The following SH3GL3 variants were observed in gnomAD, a reference collection of about 807,000 sequenced individuals.
The protein encoded by SH3GL3 is endophilin-A3.
Under a neutral mutation model 47.7 loss-of-function variants are expected in SH3GL3, and 33 were observed. The observed-to-expected ratio is 0.69, with a 90% confidence interval of 0.52 to 0.92. The LOEUF (loss-of-function observed/expected upper bound fraction) is 0.92, where lower values mean the gene tolerates loss of function less well. SH3GL3 is among the 40% of genes least tolerant of loss of function. The pLI is 0.00. For synonymous variants in SH3GL3, 155 were observed against 148.8 expected (o/e 1.04, Z -0.30); for missense variants, 363 against 417.8 (o/e 0.87, Z 1.14).
chr15:83,492,453 G>C (rs927609680), intron 1 of SH3GL3, among the ~76,000 whole-genome samples: 1 of 151,878 alleles, frequency 6.6e-6, no homozygotes, highest in African/African-American at 2.4e-5. Flanking sequence ...TGGTGTTAAT[G>C]AAAGAAACTT....
chr15:83,472,467 A>T (rs1292244625), intron 1 of SH3GL3, among the ~76,000 whole-genome samples: 1 of 151,690 alleles, frequency 6.6e-6, no homozygotes, highest in Non-Finnish European at 1.5e-5. Context: ...CTTCCAGTTC[A>T]CATTTTTTTT....
chr15:83,533,462 G>A (rs948215161), intron 1 of SH3GL3, among the ~76,000 whole-genome samples: 6 of 152,110 alleles, frequency 3.9e-5, no homozygotes, highest in African/African-American at 1.2e-4. Flanking sequence ...CTTAGGATCT[G>A]GAAATACAGT....
intron 1 of SH3GL3, among the ~76,000 whole-genome samples, chr15:83,456,919 A>G (rs1315979203): frequency 5.9e-5 from 9 of 152,328 alleles, no homozygotes; most frequent in Middle Eastern, 3.4e-3. Flanking sequence ...CTCTTCTGGT[A>G]GAGATGTAGC....
At chr15:83,539,272 G>C (rs1407631031) in intron 1 of SH3GL3, among the ~76,000 whole-genome samples, 2 of 152,208 alleles carry the variant, frequency 1.3e-5, no homozygotes, top group Non-Finnish European at 2.9e-5. Context: ...TGCACTACCA[G>C]ATCTGGTGTC....
intron 2 of SH3GL3, among the ~76,000 whole-genome samples, chr15:83,562,903 C>T (rs999984831): frequency 6.6e-6 from 1 of 152,184 alleles, no homozygotes; most frequent in Non-Finnish European, 1.5e-5. Context: ...AGTCACAAAA[C>T]TTGTTACTAG....
At chr15:83,629,200 G>T in the SH3GL3 span, among the ~76,000 whole-genome samples, 1 of 152,154 alleles carries the variant, frequency 6.6e-6, no homozygotes, top group Non-Finnish European at 1.5e-5. Context: ...TCCCAGCAGG[G>T]CTTTTTGTCA....
In SH3GL3 at chr15:83,591,328, A is replaced by G. The variant is rs112629132; in HGVS notation, c.838+2557A>G. Among the ~76,000 whole-genome samples, 1,392 of 152,264 alleles carry G rather than the reference A, an allele frequency of 9.1e-3. 10 individuals carry two copies. Among genetic ancestry groups the G allele is most frequent in the Non-Finnish European group, 0.013 (899 of 67,998 alleles). ...CCGGCCTCTCCTATGTTTTTTCTTA[A>G]GTCCACTTTGTGTTAATTTTGTATA... On this transcript the variant is annotated intron_variant, in intron 8 of 8. Coordinates refer to ENST00000427482, the MANE Select transcript of SH3GL3 (RefSeq NM_003027.5).
At chr15:83,468,507 G>C (rs2040680697) in intron 1 of SH3GL3, among the ~76,000 whole-genome samples, 1 of 152,188 alleles carries the variant, frequency 6.6e-6, no homozygotes, top group Admixed American at 6.5e-5. Flanking sequence ...GATTTTTGTA[G>C]ATGCTCTTAA....
At chr15:83,617,839 C>T (rs1242906261) in intron 8 of SH3GL3, among the ~76,000 whole-genome samples, 2 of 152,112 alleles carry the variant, frequency 1.3e-5, no homozygotes, top group Admixed American at 6.5e-5. Context: ...GGGCTGGGCA[C>T]GACTTCTCTG....
intron 6 of SH3GL3, among the ~76,000 whole-genome samples, chr15:83,580,910 G>A (rs1287117322): frequency 3.3e-5 from 5 of 152,216 alleles, no homozygotes; most frequent in Non-Finnish European, 7.3e-5. Context: ...CCTGGCGAGA[G>A]GACTTAGAAG....
At chr15:83,585,358 G>A (rs1426102111) in intron 6 of SH3GL3, among the ~76,000 whole-genome samples, 1 of 152,030 alleles carries the variant, frequency 6.6e-6, no homozygotes, top group Non-Finnish European at 1.5e-5. Flanking sequence ...CCCCCTTCCT[G>A]TTCCCCAACC....
At chr15:83,504,410 C>T (rs138572411) in intron 1 of SH3GL3, among the ~76,000 whole-genome samples, 305 of 152,298 alleles carry the variant, frequency 2.0e-3, no homozygotes, top group African/African-American at 7.0e-3. Context: ...AGGATTGTTC[C>T]AAGGTGGGCC....
At chr15:83,491,184 G>A (rs2041858583) in intron 1 of SH3GL3, among the ~76,000 whole-genome samples, 1 of 152,212 alleles carries the variant, frequency 6.6e-6, no homozygotes, top group African/African-American at 2.4e-5. Flanking sequence ...CACCTGGTCA[G>A]TAAGTGTCTC....
intron 5 of SH3GL3, among the ~76,000 whole-genome samples, chr15:83,573,646 A>T (rs1016312313): frequency 6.6e-6 from 1 of 152,166 alleles, no homozygotes; most frequent in Non-Finnish European, 1.5e-5. Flanking sequence ...GGCTGGTGGG[A>T]TGTGTGAGCT....
At chr15:83,564,559 A>C (rs2151753058) in intron 2 of SH3GL3, among the ~76,000 whole-genome samples, 1 of 152,374 alleles carries the variant, frequency 6.6e-6, no homozygotes, top group Non-Finnish European at 1.5e-5. Context: ...GCAGAAGGAA[A>C]GATTCAGTCT....
At chr15:83,584,359 T>C (rs1412936296) in intron 6 of SH3GL3, among the ~76,000 whole-genome samples, 3 of 152,238 alleles carry the variant, frequency 2.0e-5, no homozygotes, top group African/African-American at 7.2e-5. Context: ...CATGTTAAGA[T>C]CCTTAACTCA....
intron 1 of SH3GL3, among the ~76,000 whole-genome samples, chr15:83,481,781 G>T (rs547087531): frequency 6.6e-6 from 1 of 152,284 alleles, no homozygotes; most frequent in Admixed American, 6.5e-5. Flanking sequence ...TTGAAAGAAA[G>T]CTACTCTTGC....
intron 1 of SH3GL3, among the ~76,000 whole-genome samples, chr15:83,502,222 AGT>A (rs910977586): frequency 1.3e-5 from 2 of 152,206 alleles, no homozygotes; most frequent in African/African-American, 4.8e-5. Context: ...TCCCCTCATC[AGT>A]GTGTGGAAAT....
chr15:83,500,949 G>A (rs935950214), intron 1 of SH3GL3, among the ~76,000 whole-genome samples: 1 of 152,164 alleles, frequency 6.6e-6, no homozygotes, highest in Admixed American at 6.5e-5. Context: ...CAGGGGCTAC[G>A]AAGGCCCTTT....
Sources: gnomAD v4.1 joint callset for allele counts (sites outside exome capture counted in the v4.1 genomes callset) on GRCh38, gnomAD v4.1.1 for gene constraint, MANE v1.5 for transcripts, NCBI Gene and HGNC (gene_info 2026-07-23, HGNC 2026-07-21) for gene names.